Variants in EVL observed in about 807,000 individuals in gnomAD.
The protein encoded by EVL is Enah/Vasp-like, also known as ena/VASP-like protein.
A neutral mutation model predicts 59.6 loss-of-function variants in EVL; 21 were observed. The ratio of observed to expected loss-of-function variants is 0.35; its 90% CI spans 0.25 to 0.51. The LOEUF (loss-of-function observed/expected upper bound fraction) is 0.51, where lower values mean the gene tolerates loss of function less well. Ranked by LOEUF, EVL falls within the 20% of genes least tolerant of loss-of-function variation. The pLI, the probability that EVL is intolerant of heterozygous loss-of-function variation, is 0.97. For synonymous variants in EVL, 198 were observed against 203.5 expected, an observed-to-expected ratio of 0.97 and a Z score of 0.23; for missense variants, 462 against 546.6, an observed-to-expected ratio of 0.85 and a Z score of 1.54.
chr14:100,048,563 G>A (rs2061593292), intron 1 of EVL, among the ~76,000 whole-genome samples: 2 of 152,146 alleles, frequency 1.3e-5, no homozygotes, highest in Admixed American at 1.3e-4. Flanking sequence ...AAGCAGTTTG[G>A]CAGTTCCTTA....
rs117875076 is a variant in EVL at position 100,102,748 on chromosome 14, T to A, written c.358+5090T>A. On this transcript the variant is annotated intron_variant, in intron 3 of 13. Transcript: ENST00000392920. ...TAAAGGGCAGTTCTGACCAGAGTAT[T>A]TCTCTGCTGCCTGCTGATCTTGGCA... Among the ~76,000 whole-genome samples, 593 of 152,250 alleles carry A rather than the reference T, an allele frequency of 3.9e-3. 2 individuals are homozygous for A. The highest frequency in any genetic ancestry group is 5.8e-3 in the Non-Finnish European group (395 of 68,014).
In EVL at chr14:100,070,062, TA is replaced by T. The variant is rs569848858; in HGVS notation, c.11+4568del. 9.7e-3 allele frequency among the ~76,000 whole-genome samples: 1,184 copies of T among 122,280 alleles called. 6 individuals are homozygous for T. Among genetic ancestry groups the T allele is most frequent in the Middle Eastern group, 0.025 (6 of 240 alleles). The allele number at this position is 122,280 out of a possible 152,430, so 80.2% of individuals were successfully genotyped here. ...GGCATCATAGTAAGACCTCCTCTCT[TA>T]AAAAAAAAAAAAAAAAGAAAGAAAG... On this transcript the variant is annotated intron_variant, in intron 1 of 13. Coordinates refer to ENST00000392920, the MANE Select transcript of EVL (RefSeq NM_016337.3).
chr14:100,006,015 C>A (rs1045127988), intron 1 of EVL, among the ~76,000 whole-genome samples: 16 of 150,474 alleles, frequency 1.1e-4, no homozygotes, highest in African/African-American at 2.2e-4. Context: ...CATTTCCCCC[C>A]CCCCCCCCAC....
chr14:100,062,206 G>GTATA, upstream of EVL, among the ~76,000 whole-genome samples: 1 of 47,954 alleles, frequency 2.1e-5, no homozygotes, highest in East Asian at 3.4e-4. Context: ...TCAGCTGTGT[G>GTATA]TATATATATA....
intron 1 of EVL, among the ~76,000 whole-genome samples, chr14:100,035,313 G>A (rs1159226658): frequency 6.9e-6 from 1 of 144,664 alleles, no homozygotes; most frequent in Non-Finnish European, 1.5e-5. Context: ...GTTCCAAGAT[G>A]GTAATTTCAT....
At position 100,009,636 on chromosome 14, in the gene EVL, ATTG is replaced by A. The variant is rs374074527; in HGVS notation, c.5+37586_5+37588del. Among the ~76,000 whole-genome samples the A allele has an allele frequency of 1.5e-4, 23 of 152,258 alleles. No individual in the cohort carries two copies. In the East Asian group the frequency reaches 2.5e-3, roughly 17 times the overall value. On this transcript the variant is annotated intron_variant, in intron 1 of 13. Coordinates refer to the EVL transcript ENST00000402714. Reference sequence around the variant, plus strand: ...AATTAGATTTCTTTTTTGACTTCGTATTGTTGTTGATGAAGAGTCAAACTGTAA... The same window carrying A: ...AATTAGATTTCTTTTTTGACTTCGTATTGTTGATGAAGAGTCAAACTGTAA...
intron 1 of EVL, among the ~76,000 whole-genome samples, chr14:99,984,750 A>G (rs1162618429): frequency 6.6e-6 from 1 of 152,118 alleles, no homozygotes; most frequent in Non-Finnish European, 1.5e-5. Flanking sequence ...AGTAGCTGGA[A>G]TCACAGGTGT....
At chr14:99,981,656 C>G (rs1308863100) in intron 1 of EVL, among the ~76,000 whole-genome samples, 1 of 151,994 alleles carries the variant, frequency 6.6e-6, no homozygotes, top group African/African-American at 2.4e-5. Context: ...TTTTTTGTTT[C>G]CAAGTGCATA....
chr14:100,039,063 A>G (rs1324764457), intron 1 of EVL, among the ~76,000 whole-genome samples: 1 of 152,166 alleles, frequency 6.6e-6, no homozygotes, highest in Non-Finnish European at 1.5e-5. Context: ...ACTGAAGGGA[A>G]AAAGGACAGG....
intron 1 of EVL, among the ~76,000 whole-genome samples, chr14:100,048,391 T>G (rs2061590168): frequency 6.6e-6 from 1 of 152,176 alleles, no homozygotes; most frequent in South Asian, 2.1e-4. Context: ...CGAGAGAAGA[T>G]GCATGACATC....
At chr14:100,040,899 C>T (rs917824615) in intron 1 of EVL, among the ~76,000 whole-genome samples, 1 of 152,120 alleles carries the variant, frequency 6.6e-6, no homozygotes, top group Non-Finnish European at 1.5e-5. Context: ...TAGTTATTAG[C>T]ACATTCCCCC....
intron 3 of EVL, among the ~76,000 whole-genome samples, chr14:100,111,734 T>C (rs1364199363): frequency 6.6e-6 from 1 of 152,152 alleles, no homozygotes; most frequent in Non-Finnish European, 1.5e-5. Flanking sequence ...CTTGGCTCCC[T>C]GAGATTGCAG....
intron 2 of EVL, among the ~76,000 whole-genome samples, chr14:100,089,618 G>A (rs1325612141): frequency 2.6e-5 from 4 of 152,324 alleles, no homozygotes; most frequent in East Asian, 1.9e-4. Flanking sequence ...CTTGTGGGAC[G>A]CAGCTAGAAC....
chr14:99,997,037 C>T (rs1189824092), intron 1 of EVL, among the ~76,000 whole-genome samples: 1 of 152,172 alleles, frequency 6.6e-6, no homozygotes, highest in African/African-American at 2.4e-5. Flanking sequence ...CTAGCAATTC[C>T]AAGCTTGAGA....
At chr14:100,135,464 C>T (rs1888720643) in intron 8 of EVL, 1 of 165,988 alleles carries the variant, frequency 6.0e-6, no homozygotes, top group Admixed American at 5.9e-5. Flanking sequence ...TAGGTGTCCC[C>T]ACTGCTGGAT....
At chr14:99,997,312 T>G (rs538447083) in intron 1 of EVL, among the ~76,000 whole-genome samples, 41 of 152,388 alleles carry the variant, frequency 2.7e-4, no homozygotes, top group African/African-American at 9.9e-4. Flanking sequence ...ATGTAGGTGT[T>G]TAATGATCAC....
intron 1 of EVL, among the ~76,000 whole-genome samples, chr14:100,015,134 G>C (rs2061040894): frequency 6.6e-6 from 1 of 152,212 alleles, no homozygotes; most frequent in South Asian, 2.1e-4. Flanking sequence ...CAGAGGAAAT[G>C]TTGATTGTAA....
At chr14:100,007,861 G>GC (rs1186443639) in intron 1 of EVL, among the ~76,000 whole-genome samples, 1 of 152,136 alleles carries the variant, frequency 6.6e-6, no homozygotes, top group African/African-American at 2.4e-5. Context: ...TCCTGGTTCT[G>GC]CCCTCCCACT....
rs181301648 is a variant in EVL, at chr14:99,996,770, G to A, written c.5+24713G>A. Among the ~76,000 whole-genome samples the A allele has an allele frequency of 2.7e-3, 412 of 152,198 alleles. 3 individuals carry two copies. Among genetic ancestry groups the A allele is most frequent in the African/African-American group, 9.8e-3 (407 of 41,524 alleles). On this transcript the variant is annotated intron_variant, in intron 1 of 13. Coordinates refer to the EVL transcript ENST00000402714. ...GGGCTCAAGTGATCCTCTTACCTCA[G>A]CCTCCAGAGTGGCTGGGACTATAGG...
Sources: allele counts gnomAD v4.1 joint callset (sites outside exome capture counted in the v4.1 genomes callset), GRCh38; gene constraint gnomAD v4.1.1; transcripts MANE v1.5; gene names NCBI Gene and HGNC (gene_info 2026-07-23, HGNC 2026-07-21).